Variants in AK4 observed in about 807,000 individuals in gnomAD.
The protein encoded by AK4 is adenylate kinase 4.
A neutral mutation model predicts 24.6 loss-of-function variants in AK4; 13 were observed. That is an observed-to-expected ratio of 0.53 (90% confidence interval 0.34 to 0.84). The LOEUF is 0.84. AK4 is among the 40% of genes least tolerant of loss of function. The pLI, the probability that AK4 is intolerant of heterozygous loss-of-function variation, is 0.01. For synonymous variants in AK4, 88 were observed against 107.0 expected (o/e 0.82, Z 1.10); for missense variants, 192 against 288.2 (o/e 0.67, Z 2.42).
chr1:65,197,751 T>C (rs1651528147), intron 2 of AK4, among the ~76,000 whole-genome samples: 1 of 152,238 alleles, frequency 6.6e-6, no homozygotes, highest in South Asian at 2.1e-4. Flanking sequence ...GCCTTGATTT[T>C]GCGAATGTGT....
chr1:65,203,867 T>C, intron 2 of AK4, among the ~76,000 whole-genome samples: 1 of 152,120 alleles, frequency 6.6e-6, no homozygotes, highest in East Asian at 1.9e-4. Context: ...AACAAAACAA[T>C]GTAAAACTCT....
intron 2 of AK4, among the ~76,000 whole-genome samples, chr1:65,196,463 T>C (rs778972487): frequency 2.0e-5 from 3 of 152,056 alleles, no homozygotes; most frequent in Non-Finnish European, 2.9e-5. Context: ...AGAAATATTC[T>C]TGTTTTGTTT....
intron 1 of AK4, among the ~76,000 whole-genome samples, chr1:65,188,758 G>A (rs1008050306): frequency 1.3e-5 from 2 of 151,120 alleles, no homozygotes; most frequent in African/African-American, 4.9e-5. Context: ...GATTACAGGC[G>A]TGAGCCACCG....
chr1:65,194,287 T>C (rs1249325092), intron 2 of AK4, among the ~76,000 whole-genome samples: 1 of 152,170 alleles, frequency 6.6e-6, no homozygotes, highest in African/African-American at 2.4e-5. Flanking sequence ...TGCTCTTAAG[T>C]TTTGCAGTCC....
At chr1:65,182,329 T>C (rs1356709863) in intron 1 of AK4, among the ~76,000 whole-genome samples, 1 of 152,150 alleles carries the variant, frequency 6.6e-6, no homozygotes, top group African/African-American at 2.4e-5. Flanking sequence ...TCAGCTGTGG[T>C]TCTGAGTGAT....
At chr1:65,172,667 TGG>T (rs541705662) in intron 1 of AK4, among the ~76,000 whole-genome samples, 31 of 152,228 alleles carry the variant, frequency 2.0e-4, no homozygotes, top group African/African-American at 6.7e-4. Context: ...GAGACAACTG[TGG>T]GAATAGATTG....
At chr1:65,212,451 C>G (rs1652000989) in intron 2 of AK4, among the ~76,000 whole-genome samples, 1 of 151,948 alleles carries the variant, frequency 6.6e-6, no homozygotes. Flanking sequence ...CTGTGCTCAG[C>G]CTAGGATCCA....
At chr1:65,188,723 C>CCACCT (rs1164086892) in intron 1 of AK4, among the ~76,000 whole-genome samples, 23 of 151,748 alleles carry the variant, frequency 1.5e-4, no homozygotes, top group Admixed American at 1.4e-3. Flanking sequence ...CGTGATCCAC[C>CCACCT]CACCTCAGCC....
At chr1:65,199,183 G>A (rs1031981177) in intron 2 of AK4, among the ~76,000 whole-genome samples, 5 of 151,904 alleles carry the variant, frequency 3.3e-5, no homozygotes, top group African/African-American at 1.2e-4. Context: ...GGTAGAGTTT[G>A]ATCAAGGCAT....
At chr1:65,187,858 C>T (rs935829773) in intron 1 of AK4, among the ~76,000 whole-genome samples, 2 of 152,184 alleles carry the variant, frequency 1.3e-5, no homozygotes, top group Non-Finnish European at 2.9e-5. Flanking sequence ...TAATACTAGT[C>T]AAATGAATGT....
intron 1 of AK4, among the ~76,000 whole-genome samples, chr1:65,168,780 T>A (rs1325973623): frequency 6.6e-6 from 1 of 152,182 alleles, no homozygotes; most frequent in Non-Finnish European, 1.5e-5. Flanking sequence ...TCCTGTCCTT[T>A]GAGTTGGGCC....
intron 1 of AK4, among the ~76,000 whole-genome samples, chr1:65,151,713 A>G (rs954513510): frequency 2.0e-5 from 3 of 152,176 alleles, no homozygotes; most frequent in Non-Finnish European, 4.4e-5. Flanking sequence ...AAGTCAAGCA[A>G]CCTATAGCAT....
intron 2 of AK4, among the ~76,000 whole-genome samples, chr1:65,216,682 TTTC>T (rs1401616367): frequency 7.0e-6 from 1 of 142,980 alleles, no homozygotes; most frequent in South Asian, 2.1e-4. Context: ...TTTTCTTTCT[TTTC>T]TTCTTTTTTT....
intron 1 of AK4, among the ~76,000 whole-genome samples, chr1:65,173,865 A>C (rs1650624038): frequency 6.6e-6 from 1 of 151,516 alleles, no homozygotes; most frequent in Admixed American, 6.6e-5. Flanking sequence ...CCTGTCTCAA[A>C]AAAAAAAAAA....
intron 2 of AK4, among the ~76,000 whole-genome samples, chr1:65,199,550 C>T (rs971129650): frequency 4.6e-5 from 7 of 151,808 alleles, no homozygotes; most frequent in Non-Finnish European, 8.8e-5. Flanking sequence ...GCCCAGGCGA[C>T]TCCATCTCAA....
intron 2 of AK4, among the ~76,000 whole-genome samples, chr1:65,215,180 T>TTG (rs983642831): frequency 2.2e-4 from 32 of 143,854 alleles, no homozygotes; most frequent in African/African-American, 8.1e-4. Flanking sequence ...TTCTTTCTTT[T>TTG]TTTTTTGTTT....
rs1279313568 is a variant in AK4 at position 65,203,671 on chromosome 1, G to T, written c.265+12842G>T. ...ATACAAAAATTAGCCAGGCGTGGTGGTGTGCACCTGTAATCCCAGCTACTT... is the reference window on the plus strand; with the variant it reads ...ATACAAAAATTAGCCAGGCGTGGTGTTGTGCACCTGTAATCCCAGCTACTT... On this transcript the variant is annotated intron_variant, in intron 2 of 4. Coordinates refer to ENST00000327299, the MANE Select transcript of AK4 (RefSeq NM_013410.4). Among the ~76,000 whole-genome samples the T allele has an allele frequency of 2.6e-5, 4 of 152,122 alleles. No homozygotes were observed. In the East Asian group the frequency reaches 5.8e-4, roughly 22 times the overall value.
Position 65,190,846 on chromosome 1 carries a change from G to C in AK4, c.265+17G>C, listed in dbSNP as rs753229457. The C allele has an allele frequency of 6.2e-7, 1 of 1,611,052 alleles. No individual in the cohort carries two copies. ...TCCTTGATGGTGAGTTGAAACTGTG[G>C]GTAAACCGAATTTCTGGGAATAGTC... On this transcript the variant is annotated intron_variant, in intron 2 of 4. Transcript: ENST00000327299.
intron 1 of AK4, among the ~76,000 whole-genome samples, chr1:65,158,099 C>T (rs1650038315): frequency 6.6e-6 from 1 of 152,138 alleles, no homozygotes; most frequent in Non-Finnish European, 1.5e-5. Context: ...AAAGGGTTAT[C>T]ATGCCTGCCC....
Sources: gnomAD v4.1 joint callset for allele counts (sites outside exome capture counted in the v4.1 genomes callset) on GRCh38, gnomAD v4.1.1 for gene constraint, MANE v1.5 for transcripts, NCBI Gene and HGNC (gene_info 2026-07-23, HGNC 2026-07-21) for gene names.